The following TDRD7 variants were observed in gnomAD, a reference collection of about 807,000 sequenced individuals.
The protein encoded by TDRD7 is tudor domain-containing protein 7.
In TDRD7, 47 loss-of-function variants were observed where a neutral mutation model predicts 109.8. That is an observed-to-expected ratio of 0.43 (90% CI 0.34 to 0.55). TDRD7 has a LOEUF of 0.55. Ranked by LOEUF, TDRD7 falls within the 20% of genes least tolerant of loss-of-function variation. TDRD7 has a pLI of 0.03. For missense variants in TDRD7, 1,164 were observed against 1,319.2 expected (o/e 0.88, Z 1.82); for synonymous variants, 424 against 457.3 (o/e 0.93, Z 0.93).
intron 4 of TDRD7, among the ~76,000 whole-genome samples, chr9:97,432,913 C>T (rs1180797559): frequency 6.6e-6 from 1 of 152,130 alleles, no homozygotes; most frequent in Non-Finnish European, 1.5e-5. Flanking sequence ...TAGAACATGG[C>T]CATTTTGCTT....
intron 1 of TDRD7, among the ~76,000 whole-genome samples, chr9:97,414,995 C>T (rs1033075353): frequency 2.0e-5 from 3 of 152,110 alleles, no homozygotes; most frequent in Non-Finnish European, 4.4e-5. Context: ...TTTAAGTTCC[C>T]GCTGTTGCTA....
At chr9:97,484,956 T>C (rs1226069952) in intron 15 of TDRD7, among the ~76,000 whole-genome samples, 1 of 152,242 alleles carries the variant, frequency 6.6e-6, no homozygotes, top group Non-Finnish European at 1.5e-5. Flanking sequence ...CTCCATGGCT[T>C]TGAACCATTC....
At chr9:97,480,987 T>C in intron 14 of TDRD7, 49 bp downstream of exon 14, 1 of 1,503,794 alleles carries the variant, frequency 6.6e-7, no homozygotes, top group African/African-American at 1.4e-5. Context: ...AGCTGGCAGC[T>C]GTCAGGGCTC....
At chr9:97,463,324 A>G (rs1828761579) in intron 7 of TDRD7, among the ~76,000 whole-genome samples, 1 of 151,426 alleles carries the variant, frequency 6.6e-6, no homozygotes, top group Non-Finnish European at 1.5e-5. Context: ...ATAATATTTC[A>G]TTTTAAAATA....
intron 4 of TDRD7, 48 bp downstream of exon 4, chr9:97,432,286 G>GATAATTTCCCCCCAGGAACT: frequency 6.6e-7 from 1 of 1,518,550 alleles, no homozygotes. Flanking sequence ...AGGGTAAAAA[G>GATAATTTCCCCCCAGGAACT]TGTTACAAAT....
At chr9:97,461,517 T>C (rs962094937) in intron 7 of TDRD7, among the ~76,000 whole-genome samples, 3 of 152,246 alleles carry the variant, frequency 2.0e-5, no homozygotes, top group Non-Finnish European at 4.4e-5. Flanking sequence ...TCAGTATCGT[T>C]GCCTGAGAGG....
At chr9:97,413,928 G>A (rs1165274756) in intron 1 of TDRD7, among the ~76,000 whole-genome samples, 1 of 152,192 alleles carries the variant, frequency 6.6e-6, no homozygotes, top group Non-Finnish European at 1.5e-5. Flanking sequence ...TAAACTCCTT[G>A]CAGAACCCCT....
rs75318870 is a variant in TDRD7, at chr9:97,427,255, T to C, written c.-6-1205T>C. 7.9e-3 allele frequency among the ~76,000 whole-genome samples: 1,210 copies of C among 152,270 alleles called. 40 individuals are homozygous for C. The East Asian group carries it at 0.1, about 13-fold the overall frequency. On this transcript the variant is annotated intron_variant, in intron 1 of 16. Coordinates refer to ENST00000355295, the MANE Select transcript of TDRD7 (RefSeq NM_014290.3). The stretch of plus-strand genomic sequence containing the variant: ...TATCTCCTGAATTTGTCTTTTTTTT[T>C]CTCTGCAAAACTACAACTAGATGTA...
intron 5 of TDRD7, among the ~76,000 whole-genome samples, chr9:97,441,179 C>T (rs764031464): frequency 1.3e-5 from 2 of 152,032 alleles, no homozygotes; most frequent in Non-Finnish European, 2.9e-5. Context: ...AATATTCAAA[C>T]TCAGGCAATT....
At chr9:97,447,665 T>C (rs1303435485) in intron 6 of TDRD7, among the ~76,000 whole-genome samples, 1 of 152,172 alleles carries the variant, frequency 6.6e-6, no homozygotes, top group Non-Finnish European at 1.5e-5. Context: ...TAACAATCCA[T>C]GAATGGATCC....
At chr9:97,467,110 A>C (rs927555552) in intron 8 of TDRD7, among the ~76,000 whole-genome samples, 2 of 152,120 alleles carry the variant, frequency 1.3e-5, no homozygotes, top group Non-Finnish European at 2.9e-5. Context: ...GATAGGAGAT[A>C]ACTATCCCTA....
intron 1 of TDRD7, among the ~76,000 whole-genome samples, chr9:97,424,835 A>G (rs1827959643): frequency 6.7e-6 from 1 of 150,272 alleles, no homozygotes; most frequent in Non-Finnish European, 1.5e-5. Context: ...GATGTTTTCT[A>G]TTTTCTCTAC....
chr9:97,448,530 TG>T (rs1828437952), intron 6 of TDRD7, among the ~76,000 whole-genome samples: 1 of 152,258 alleles, frequency 6.6e-6, no homozygotes, highest in Admixed American at 6.5e-5. Context: ...TGCAAGCTTC[TG>T]GTCAGTGACT....
intron 6 of TDRD7, among the ~76,000 whole-genome samples, chr9:97,456,941 T>C (rs1461968746): frequency 6.6e-6 from 1 of 151,904 alleles, no homozygotes; most frequent in African/African-American, 2.4e-5. Context: ...CTAATAATTA[T>C]CTAAAATTTA....
chr9:97,422,489 A>G (rs1376508735), intron 1 of TDRD7, among the ~76,000 whole-genome samples: 1 of 152,194 alleles, frequency 6.6e-6, no homozygotes, highest in East Asian at 1.9e-4. Flanking sequence ...ATAATATTAT[A>G]CTATTTTGAC....
In TDRD7 at chr9:97,470,425, C is replaced by A. The variant is rs974790331; in HGVS notation, c.1630-133C>A. 6.3e-6 allele frequency: 5 copies of A among 798,442 alleles called. No individual in the cohort carries two copies. The African/African-American group carries it at 8.6e-5, about 14-fold the overall frequency. The allele number at this position is 798,442 out of a possible 1,614,324, so 49.5% of individuals were successfully genotyped here. On this transcript the variant is annotated intron_variant, in intron 8 of 16. Transcript: ENST00000355295. ...TTCTGTGGTAAGTCAGGGGCACCTCCCCAGCTTTTTCCAGGTGCCACTCTG... is the reference window on the plus strand; with the variant it reads ...TTCTGTGGTAAGTCAGGGGCACCTCACCAGCTTTTTCCAGGTGCCACTCTG...
chr9:97,447,636 A>G (rs965382505), intron 6 of TDRD7, among the ~76,000 whole-genome samples: 4 of 152,210 alleles, frequency 2.6e-5, no homozygotes, highest in African/African-American at 9.6e-5. Context: ...CTCCAAGCCA[A>G]AGAGAGTTCC....
chr9:97,477,979 CTGG>C (rs1829049979), intron 12 of TDRD7, among the ~76,000 whole-genome samples: 1 of 152,096 alleles, frequency 6.6e-6, no homozygotes, highest in East Asian at 1.9e-4. Context: ...GTTTAGTAGG[CTGG>C]GCGCGGTGGC....
chr9:97,495,654 T>C lies in TDRD7; in HGVS notation c.3077-9T>C. ...TCACTGCTCCCTCTTCTTCCTCTCT[T>C]CCTCCTAGGAGTGAAGTGCAACCAG... On this transcript the variant is annotated splice_polypyrimidine_tract_variant and intron_variant, in intron 16 of 16. Coordinates refer to ENST00000355295, the MANE Select transcript of TDRD7 (RefSeq NM_014290.3). 2 of 1,613,280 alleles carry C rather than the reference T, an allele frequency of 1.2e-6. No homozygotes were observed. The highest frequency in any genetic ancestry group is 1.7e-6 in the Non-Finnish European group (2 of 1,179,316).
Sources: allele counts gnomAD v4.1 joint callset (sites outside exome capture counted in the v4.1 genomes callset), GRCh38; gene constraint gnomAD v4.1.1; transcripts MANE v1.5; gene names NCBI Gene and HGNC (gene_info 2026-07-23, HGNC 2026-07-21).